Variants in RAP1GAP2 observed in about 807,000 individuals in gnomAD.
The protein encoded by RAP1GAP2 is RAP1 GTPase activating protein 2, also known as rap1 GTPase-activating protein 2.
In RAP1GAP2, 27 loss-of-function variants were observed where a neutral mutation model predicts 95.0. The ratio of observed to expected loss-of-function variants is 0.28; its 90% CI spans 0.21 to 0.39. The LOEUF (loss-of-function observed/expected upper bound fraction) is 0.39. Among genes scored for constraint, RAP1GAP2 ranks in the 10% least tolerant of loss-of-function variants. RAP1GAP2 has a pLI of 1.00. For missense variants in RAP1GAP2, 771 were observed against 970.0 expected (o/e 0.79, Z 2.72); for synonymous variants, 373 against 380.9 (o/e 0.98, Z 0.24).
At chr17:2,782,062 C>CCATCTGGA (rs2068675127) in intron 1 of RAP1GAP2, among the ~76,000 whole-genome samples, 1 of 152,336 alleles carries the variant, frequency 6.6e-6, no homozygotes, top group Non-Finnish European at 1.5e-5. Context: ...AAGAGTGTGC[C>CCATCTGGA]CATCTGGATG....
chr17:2,787,440 C>T (rs2068813175), intron 1 of RAP1GAP2, among the ~76,000 whole-genome samples: 1 of 151,800 alleles, frequency 6.6e-6, no homozygotes, highest in South Asian at 2.1e-4. Context: ...AATTTTTGTA[C>T]AGATGGGGTC....
At chr17:2,804,525 A>G (rs2069432907) in intron 2 of RAP1GAP2, among the ~76,000 whole-genome samples, 1 of 152,260 alleles carries the variant, frequency 6.6e-6, no homozygotes, top group South Asian at 2.1e-4. Context: ...CTACTTTCCC[A>G]TATTCTTTCC....
upstream of RAP1GAP2, among the ~76,000 whole-genome samples, chr17:2,772,534 A>G (rs1479151596): frequency 6.6e-6 from 1 of 152,044 alleles, no homozygotes; most frequent in African/African-American, 2.4e-5. Flanking sequence ...GGTTCAAGCC[A>G]TTCTCCTGCC....
At chr17:2,784,103 G>GA (rs2068718339) in intron 1 of RAP1GAP2, among the ~76,000 whole-genome samples, 1 of 151,952 alleles carries the variant, frequency 6.6e-6, no homozygotes, top group African/African-American at 2.4e-5. Flanking sequence ...CTCCCAAGTA[G>GA]CTGAGACTAC....
chr17:2,917,424 C>G (rs1333913324), intron 3 of RAP1GAP2, among the ~76,000 whole-genome samples: 1 of 152,150 alleles, frequency 6.6e-6, no homozygotes, highest in African/African-American at 2.4e-5. Flanking sequence ...GCATGCGCCA[C>G]CACGCCCAGC....
intron 2 of RAP1GAP2, among the ~76,000 whole-genome samples, chr17:2,897,207 G>A (rs576040352): frequency 3.2e-4 from 49 of 152,050 alleles, no homozygotes; most frequent in Admixed American, 5.2e-4. Flanking sequence ...GCGTGGTGGC[G>A]CGTGCCTGTA....
In RAP1GAP2 at chr17:2,965,790, T is replaced by A; in HGVS notation, c.596+147T>A. 1.6e-6 allele frequency: 1 copy of A among 644,506 alleles called. No homozygotes were observed. The highest frequency in any genetic ancestry group is 2.7e-6 in the Non-Finnish European group (1 of 374,386). 39.9% of individuals were successfully genotyped at this position (644,506 alleles called of 1,614,324 possible). On this transcript the variant is annotated intron_variant, in intron 8 of 24. Transcript: ENST00000254695. This position sits in a 1 kb window ranked among gnomAD's most constrained non-coding sequence, Gnocchi z 4.7. ...GACGGGGACAGGCCTGCTGGAATCC[T>A]GGGGCTGTGTCTGAAGTTGCCTAGC...
At chr17:2,809,789 C>T (rs1436498995) in intron 2 of RAP1GAP2, among the ~76,000 whole-genome samples, 1 of 152,202 alleles carries the variant, frequency 6.6e-6, no homozygotes, top group Non-Finnish European at 1.5e-5. Context: ...ACACTGCAGA[C>T]CCATGGGTGT....
chr17:2,988,915 G>A (rs1024701571), intron 11 of RAP1GAP2, among the ~76,000 whole-genome samples: 5 of 152,046 alleles, frequency 3.3e-5, no homozygotes, highest in African/African-American at 9.7e-5. Context: ...CAAAAAATTA[G>A]CCAGGTGGTA....
At position 2,884,886 on chromosome 17, in the gene RAP1GAP2, C is replaced by T. The variant is rs1490676152; in HGVS notation, c.81-20398C>T. ...ATGACACAAGTGTAAAGTCTTTCTG[C>T]GAACAGATACTTTTTGAGGGCCTTC... On this transcript the variant is annotated intron_variant, in intron 2 of 24. Transcript: ENST00000254695. 3.9e-5 allele frequency among the ~76,000 whole-genome samples: 6 copies of T among 152,256 alleles called. No individual in the cohort carries two copies. In the East Asian group the frequency reaches 5.8e-4, roughly 15 times the overall value.
At chr17:2,850,729 G>A (rs1197669037) in intron 2 of RAP1GAP2, among the ~76,000 whole-genome samples, 69 of 136,124 alleles carry the variant, frequency 5.1e-4, no homozygotes, top group African/African-American at 1.7e-3. Context: ...CAGCCTGAGG[G>A]ATGGAGCAAG....
chr17:2,840,772 T>C (rs1413287394), intron 2 of RAP1GAP2, among the ~76,000 whole-genome samples: 1 of 148,934 alleles, frequency 6.7e-6, no homozygotes, highest in African/African-American at 2.5e-5. Flanking sequence ...CTGAAGTGAG[T>C]GGATTGCTTG....
intron 3 of RAP1GAP2, among the ~76,000 whole-genome samples, chr17:2,940,673 G>C (rs545740021): frequency 6.6e-6 from 1 of 152,326 alleles, no homozygotes; most frequent in Non-Finnish European, 1.5e-5. Context: ...GTCCCTGCAG[G>C]CTCTGCAGAC....
chr17:2,897,881 A>G (rs2041891984), intron 2 of RAP1GAP2, among the ~76,000 whole-genome samples: 1 of 150,184 alleles, frequency 6.7e-6, no homozygotes, highest in South Asian at 2.1e-4. Context: ...CTGGGATTGA[A>G]GTAGGGGTGG....
chr17:2,812,491 C>T (rs866160021), intron 2 of RAP1GAP2, among the ~76,000 whole-genome samples: 3 of 152,148 alleles, frequency 2.0e-5, no homozygotes, highest in African/African-American at 2.4e-5. Flanking sequence ...TATTACTAGA[C>T]GCTGGCCCGA....
In RAP1GAP2 at chr17:2,866,017, G is replaced by A. The variant is rs1041822542; in HGVS notation, c.81-39267G>A. Among the ~76,000 whole-genome samples the A allele has an allele frequency of 1.3e-5, 2 of 152,228 alleles. No individual in the cohort carries two copies. Among genetic ancestry groups the A allele is most frequent in the East Asian group, 3.8e-4 (2 of 5,198 alleles). The stretch of plus-strand genomic sequence containing the variant: ...TGCTCCTGAAGCAGAGATCAACCAT[G>A]GAATGTGAATCCAAGACAGAAGAGG... On this transcript the variant is annotated intron_variant, in intron 2 of 24. Transcript: ENST00000254695. This position sits in a 1 kb window ranked among gnomAD's most constrained non-coding sequence, Gnocchi z 4.0.
At chr17:2,837,446 G>A (rs1412793449) in intron 2 of RAP1GAP2, among the ~76,000 whole-genome samples, 3 of 151,844 alleles carry the variant, frequency 2.0e-5, no homozygotes, top group African/African-American at 7.3e-5. Flanking sequence ...GCCTGGGCAC[G>A]GAGCAGGCAG....
intron 2 of RAP1GAP2, among the ~76,000 whole-genome samples, chr17:2,846,293 T>C (rs76796403): frequency 2.6e-3 from 390 of 152,292 alleles, no homozygotes; most frequent in African/African-American, 8.9e-3. Context: ...GGTGCTTCCT[T>C]GTTGTTGCAT....
chr17:2,978,935 CAAAT>C (rs554801919), intron 8 of RAP1GAP2, among the ~76,000 whole-genome samples: 1 of 102,104 alleles, frequency 9.8e-6, no homozygotes, highest in African/African-American at 3.6e-5. Flanking sequence ...AACTCTGTCT[CAAAT>C]AAATAAATAA....
Sources: gnomAD v4.1 joint callset for allele counts (sites outside exome capture counted in the v4.1 genomes callset) on GRCh38, gnomAD v4.1.1 for gene constraint, Gnocchi (gnomAD v3.1) non-coding constraint, MANE v1.5 for transcripts, NCBI Gene and HGNC (gene_info 2026-07-23, HGNC 2026-07-21) for gene names.